Variants in PCDH15 observed in about 807,000 individuals in gnomAD.
PCDH15 encodes protocadherin related 15, also known as protocadherin-15.
Under a neutral mutation model 178.5 loss-of-function variants are expected in PCDH15, and 129 were observed. That is an observed-to-expected ratio of 0.72 (90% CI 0.63 to 0.84). The LOEUF is 0.84. Among genes scored for constraint, PCDH15 ranks in the 40% least tolerant of loss-of-function variants. The probability of loss-of-function intolerance (pLI) is 0.00; values close to 1 mark genes in which losing one functional copy is unlikely to be tolerated. For synonymous variants in PCDH15, 800 were observed against 732.0 expected, an observed-to-expected ratio of 1.09 and a Z score of -1.50; for missense variants, 2,230 against 2,099.9, an observed-to-expected ratio of 1.06 and a Z score of -1.21.
chr10:55,407,960 T>C (rs1326865604), intron 2 of PCDH15, among the ~76,000 whole-genome samples: 5 of 151,972 alleles, frequency 3.3e-5, no homozygotes, highest in African/African-American at 4.8e-5. Context: ...GAGGAGAACA[T>C]GTAAGCTGCA....
intron 1 of PCDH15, among the ~76,000 whole-genome samples, chr10:55,298,929 A>G (rs1450237897): frequency 2.0e-5 from 3 of 152,162 alleles, no homozygotes; most frequent in Admixed American, 6.6e-5. Context: ...AGTAGCTTCT[A>G]TAATTTTCTC....
At chr10:55,325,777 C>A (rs905620670) in intron 2 of PCDH15, among the ~76,000 whole-genome samples, 3 of 152,076 alleles carry the variant, frequency 2.0e-5, no homozygotes, top group African/African-American at 7.2e-5. Flanking sequence ...ACACCAACAA[C>A]ACAATCTATC....
intron 2 of PCDH15, among the ~76,000 whole-genome samples, chr10:54,645,348 A>C (rs1053455274): frequency 1.2e-4 from 19 of 152,134 alleles, no homozygotes; most frequent in African/African-American, 4.3e-4. Flanking sequence ...TAAATAGAAA[A>C]GTGAGAATAG....
At chr10:54,691,381 G>T (rs1294356723) in intron 1 of PCDH15, among the ~76,000 whole-genome samples, 2 of 151,968 alleles carry the variant, frequency 1.3e-5, no homozygotes. Flanking sequence ...CAATCTTTCA[G>T]CTGTAAACCA....
At position 54,554,059 on chromosome 10, in the gene PCDH15, G is replaced by A. The variant is rs1460684255; in HGVS notation, c.92-26182C>T. On this transcript the variant is annotated intron_variant, in intron 2 of 37. Coordinates refer to ENST00000644397, the MANE Select transcript of PCDH15 (RefSeq NM_001384140.1). ...TGGTGAAATTTTTATATTAACAGAAGTTGTTAATTTGAGAGGAGTCTTAAA... is the reference window on the plus strand; with the variant it reads ...TGGTGAAATTTTTATATTAACAGAAATTGTTAATTTGAGAGGAGTCTTAAA... Among the ~76,000 whole-genome samples the A allele has an allele frequency of 3.9e-5, 6 of 152,138 alleles. No individual in the cohort carries two copies. The East Asian group carries it at 1.2e-3, about 29-fold the overall frequency.
intron 2 of PCDH15, among the ~76,000 whole-genome samples, chr10:55,045,297 T>C (rs2131981611): frequency 6.6e-6 from 1 of 152,240 alleles, no homozygotes; most frequent in South Asian, 2.1e-4. Flanking sequence ...ATTTTGTTCT[T>C]TATTCATTTT....
At chr10:53,943,228 C>T (rs894832409) in intron 23 of PCDH15, among the ~76,000 whole-genome samples, 16 of 152,068 alleles carry the variant, frequency 1.1e-4, no homozygotes, top group Non-Finnish European at 1.8e-4. Context: ...GTGGCTCACT[C>T]CTGTAATCCC....
chr10:54,354,799 GTC>G (rs1944709898), intron 5 of PCDH15, among the ~76,000 whole-genome samples: 1 of 152,080 alleles, frequency 6.6e-6, no homozygotes, highest in African/African-American at 2.4e-5. Context: ...CATGAATACT[GTC>G]TGTGCTTTTA....
At chr10:54,406,992 A>G (rs938947228) in intron 3 of PCDH15, among the ~76,000 whole-genome samples, 1 of 152,160 alleles carries the variant, frequency 6.6e-6, no homozygotes, top group African/African-American at 2.4e-5. Flanking sequence ...TCTAACAAAC[A>G]CTTGTATGCC....
chr10:55,152,417 T>C (rs1212897486), intron 2 of PCDH15, among the ~76,000 whole-genome samples: 3 of 152,164 alleles, frequency 2.0e-5, no homozygotes, highest in Admixed American at 1.3e-4. Context: ...AGACCTATAA[T>C]TACTCAATTC....
At chr10:55,049,555 TG>T (rs1841106346) in intron 2 of PCDH15, among the ~76,000 whole-genome samples, 1 of 151,920 alleles carries the variant, frequency 6.6e-6, no homozygotes. Context: ...GAGAAAAACA[TG>T]AATAGAGAAC....
chr10:54,128,681 T>C (rs996341863), intron 15 of PCDH15, among the ~76,000 whole-genome samples: 4 of 152,178 alleles, frequency 2.6e-5, no homozygotes, highest in African/African-American at 9.7e-5. Flanking sequence ...TTTTGGAGTA[T>C]TGTACTCAGA....
intron 14 of PCDH15, among the ~76,000 whole-genome samples, chr10:54,140,675 G>T (rs905520267): frequency 1.3e-5 from 2 of 151,716 alleles, no homozygotes. Context: ...CACCATGTTG[G>T]TCATGATGGT....
At chr10:55,473,628 G>A (rs544811838) in intron 2 of PCDH15, among the ~76,000 whole-genome samples, 1 of 152,094 alleles carries the variant, frequency 6.6e-6, no homozygotes, top group African/African-American at 2.4e-5. Flanking sequence ...TGAGTAAACT[G>A]TAATCCTGTA....
intron 3 of PCDH15, among the ~76,000 whole-genome samples, chr10:54,479,683 A>G (rs1331788658): frequency 1.3e-5 from 2 of 152,040 alleles, no homozygotes; most frequent in African/African-American, 4.8e-5. Flanking sequence ...TTTTTTCCAT[A>G]TAACTTTGCA....
rs67020951 is a variant in PCDH15 at position 55,378,877 on chromosome 10, A to ATCTCTCTCTCTCTC, written c.-155-212240_-155-212227dup. Among the ~76,000 whole-genome samples, 539 of 124,138 alleles carry ATCTCTCTCTCTCTC rather than the reference A, an allele frequency of 4.3e-3. 2 individuals carry two copies. The highest frequency in any genetic ancestry group is 0.014 in the African/African-American group (466 of 34,464). 81.4% of individuals were successfully genotyped at this position (124,138 alleles called of 152,430 possible). ...TTCCTTTCTTTGTGTAACTCTCCCC[A>ATCTCTCTCTCTCTC]TCTCTCTCTCTCTCTCTCTCTCTCT... On this transcript the variant is annotated intron_variant, in intron 2 of 5. Coordinates refer to the PCDH15 transcript ENST00000613346.
chr10:54,170,454 A>G (rs1191888889), intron 13 of PCDH15, among the ~76,000 whole-genome samples: 30 of 151,710 alleles, frequency 2.0e-4, no homozygotes, highest in Admixed American at 1.9e-3. Flanking sequence ...ATCACAAACT[A>G]TGCTCAACTC....
chr10:55,505,949 C>G (rs923091406), intron 2 of PCDH15, among the ~76,000 whole-genome samples: 3 of 151,196 alleles, frequency 2.0e-5, no homozygotes, highest in African/African-American at 7.3e-5. Flanking sequence ...AGAAAAGAGG[C>G]ATTAAATTAG....
chr10:55,179,930 A>G (rs970539111), intron 1 of PCDH15, among the ~76,000 whole-genome samples: 3 of 152,060 alleles, frequency 2.0e-5, no homozygotes, highest in Non-Finnish European at 4.4e-5. Context: ...CAGAAATTCA[A>G]AACTGTGCAT....
Sources: gnomAD v4.1 joint callset for allele counts (sites outside exome capture counted in the v4.1 genomes callset) on GRCh38, gnomAD v4.1.1 for gene constraint, MANE v1.5 for transcripts, NCBI Gene and HGNC (gene_info 2026-07-23, HGNC 2026-07-21) for gene names.